The following ZBTB20 variants were observed in gnomAD, a reference collection of about 807,000 sequenced individuals.
ZBTB20 encodes the protein zinc finger and BTB domain-containing protein 20.
A neutral mutation model predicts 56.9 loss-of-function variants in ZBTB20; 9 were observed. The observed-to-expected ratio is 0.16, with a 90% CI of 0.10 to 0.28. ZBTB20 has a LOEUF of 0.28. ZBTB20 is among the 10% of genes least tolerant of loss of function. The pLI is 1.00. For missense variants in ZBTB20, 655 were observed against 1,003.0 expected (o/e 0.65, Z 4.69); for synonymous variants, 417 against 420.7 (o/e 0.99, Z 0.11).
chr3:115,101,689 A>C (rs2083588582), intron 1 of ZBTB20, among the ~76,000 whole-genome samples: 1 of 152,192 alleles, frequency 6.6e-6, no homozygotes, highest in South Asian at 2.1e-4. Flanking sequence ...TTTTCTAAAA[A>C]ATATTTACAC....
At chr3:114,357,080 G>A (rs1217450880) in intron 10 of ZBTB20, 3 of 152,196 alleles carry the variant, frequency 2.0e-5, no homozygotes, top group Non-Finnish European at 2.9e-5. Context: ...ATGGGAGGGC[G>A]AGCTGTACAG....
chr3:114,706,522 A>T lies in ZBTB20; in HGVS notation c.-342-12947T>A, dbSNP rs115741184. ...ATTTTAAAGCACTTAATAACCCTTG[A>T]CTTTTTGTGATTGCTGGCACTCTCA... On this transcript the variant is annotated intron_variant, in intron 5 of 11. Transcript: ENST00000675478. Among the ~76,000 whole-genome samples the T allele has an allele frequency of 4.7e-3, 709 of 152,220 alleles. 3 individuals are homozygous for T. Among genetic ancestry groups the T allele is most frequent in the African/African-American group, 0.015 (630 of 41,544 alleles).
chr3:115,060,868 T>A (rs983612128), intron 2 of ZBTB20, among the ~76,000 whole-genome samples: 115 of 152,140 alleles, frequency 7.6e-4, no homozygotes, highest in Non-Finnish European at 9.9e-4. Context: ...AATAACACCT[T>A]GGTTTCTACA....
At chr3:114,396,207 T>C (rs551008288) in intron 7 of ZBTB20, among the ~76,000 whole-genome samples, 12 of 152,286 alleles carry the variant, frequency 7.9e-5, no homozygotes, top group Admixed American at 2.6e-4. Flanking sequence ...AGCATTTTAT[T>C]TGGTATTATC....
chr3:115,028,418 C>A (rs1228506386), intron 2 of ZBTB20, among the ~76,000 whole-genome samples: 1 of 150,622 alleles, frequency 6.6e-6, no homozygotes, highest in African/African-American at 2.4e-5. Flanking sequence ...TTAACATTTT[C>A]ATATTACATA....
At chr3:114,413,283 G>A (rs535807933) in intron 7 of ZBTB20, among the ~76,000 whole-genome samples, 3 of 152,198 alleles carry the variant, frequency 2.0e-5, no homozygotes, top group South Asian at 4.1e-4. Flanking sequence ...TCTAGTATAC[G>A]TGAACTGGAA....
At chr3:114,865,071 T>C (rs1367808007) in intron 4 of ZBTB20, among the ~76,000 whole-genome samples, 1 of 152,116 alleles carries the variant, frequency 6.6e-6, no homozygotes, top group Non-Finnish European at 1.5e-5. Context: ...ATCAGAAATT[T>C]TCTTATGTCC....
intron 6 of ZBTB20, among the ~76,000 whole-genome samples, chr3:114,584,972 T>C (rs1019117201): frequency 3.9e-5 from 6 of 152,136 alleles, no homozygotes; most frequent in African/African-American, 1.4e-4. Context: ...GCAAACTCTC[T>C]GTTGTTCCAA....
intron 6 of ZBTB20, among the ~76,000 whole-genome samples, chr3:114,606,503 T>C (rs1393000750): frequency 2.6e-5 from 4 of 152,114 alleles, no homozygotes. Context: ...GTCAGCTTGA[T>C]CAAAAGGTTG....
intron 7 of ZBTB20, among the ~76,000 whole-genome samples, chr3:114,472,432 G>A (rs900252419): frequency 6.6e-6 from 1 of 152,200 alleles, no homozygotes; most frequent in African/African-American, 2.4e-5. Context: ...CCTCAGCTGG[G>A]CGCGCAGTGG....
At chr3:114,496,809 G>A (rs1018387026) in intron 7 of ZBTB20, among the ~76,000 whole-genome samples, 10 of 152,158 alleles carry the variant, frequency 6.6e-5, no homozygotes, top group African/African-American at 2.4e-4. Context: ...GGAAATTGGG[G>A]CATTGATTGA....
At chr3:115,075,867 T>C (rs2082576947) in intron 1 of ZBTB20, among the ~76,000 whole-genome samples, 1 of 152,154 alleles carries the variant, frequency 6.6e-6, no homozygotes, top group African/African-American at 2.4e-5. Flanking sequence ...TATGCTTTTA[T>C]ATACAGAAAA....
At chr3:114,356,242 T>C (rs1174964948) in intron 10 of ZBTB20, 1 of 152,182 alleles carries the variant, frequency 6.6e-6, no homozygotes, top group Non-Finnish European at 1.5e-5. Flanking sequence ...TGACTCTCTG[T>C]TTTGCAGGAA....
At chr3:114,730,376 T>C (rs1229522828) in intron 5 of ZBTB20, among the ~76,000 whole-genome samples, 24 of 152,176 alleles carry the variant, frequency 1.6e-4, no homozygotes, top group Non-Finnish European at 5.9e-5. Flanking sequence ...TGTCTATGCT[T>C]AAACACCTTG....
chr3:114,882,438 C>T (rs1202105952), intron 4 of ZBTB20, among the ~76,000 whole-genome samples: 1 of 151,826 alleles, frequency 6.6e-6, no homozygotes, highest in Non-Finnish European at 1.5e-5. Context: ...AGAAAGTATG[C>T]TATGTGGATA....
chr3:114,475,468 C>T (rs749665562), intron 7 of ZBTB20, among the ~76,000 whole-genome samples: 5 of 152,108 alleles, frequency 3.3e-5, no homozygotes, highest in East Asian at 1.9e-4. Context: ...TACAAGTGCA[C>T]GACTCACAAT....
intron 6 of ZBTB20, among the ~76,000 whole-genome samples, chr3:114,565,252 T>A (rs1370550278): frequency 1.3e-5 from 2 of 152,178 alleles, no homozygotes; most frequent in Non-Finnish European, 2.9e-5. Flanking sequence ...GACGGTGAAA[T>A]ACAAAAACAA....
chr3:114,423,502 G>A (rs2089373553), intron 7 of ZBTB20, among the ~76,000 whole-genome samples: 1 of 152,118 alleles, frequency 6.6e-6, no homozygotes, highest in Non-Finnish European at 1.5e-5. Context: ...TCAGAGCAAA[G>A]GCCAAAGAAC....
intron 1 of ZBTB20, among the ~76,000 whole-genome samples, chr3:115,146,554 G>A (rs1475622675): frequency 6.6e-6 from 1 of 152,124 alleles, no homozygotes; most frequent in Non-Finnish European, 1.5e-5. Context: ...AGAAGGAAAG[G>A]TGTGTCTTCC....
Sources: allele counts gnomAD v4.1 joint callset (sites outside exome capture counted in the v4.1 genomes callset), GRCh38; gene constraint gnomAD v4.1.1; transcripts MANE v1.5; gene names NCBI Gene and HGNC (gene_info 2026-07-23, HGNC 2026-07-21).